Variants in SUPT3H observed in about 807,000 individuals in gnomAD.
SUPT3H encodes SPT3 homolog, SAGA and STAGA complex component, also known as transcription initiation protein SPT3 homolog.
In SUPT3H, 44 loss-of-function variants were observed where a neutral mutation model predicts 44.3. That is an observed-to-expected ratio of 0.99 (90% CI 0.78 to 1.28). SUPT3H has a LOEUF of 1.28. SUPT3H is among the 50% of genes most tolerant of loss of function. The pLI is 0.00. For synonymous variants in SUPT3H, 124 were observed against 125.6 expected (o/e 0.99, Z 0.09); for missense variants, 380 against 387.1 (o/e 0.98, Z 0.15).
At chr6:44,961,325 A>G (rs1775987500) in intron 7 of SUPT3H, among the ~76,000 whole-genome samples, 2 of 152,226 alleles carry the variant, frequency 1.3e-5, no homozygotes, top group South Asian at 4.1e-4. Flanking sequence ...CCTTTGTGGT[A>G]ATGAGTATAC....
intron 10 of SUPT3H, among the ~76,000 whole-genome samples, chr6:44,919,147 C>T (rs575983): frequency 3.9e-5 from 6 of 152,200 alleles, no homozygotes; most frequent in Admixed American, 2.6e-4. Context: ...GCTCTCATTA[C>T]GTTCCTTACA....
chr6:44,995,960 T>A (rs1781214712), intron 6 of SUPT3H, among the ~76,000 whole-genome samples: 1 of 151,962 alleles, frequency 6.6e-6, no homozygotes, highest in Non-Finnish European at 1.5e-5. Context: ...TCAATGTGTT[T>A]GCGAAACATG....
rs1774643541 is a variant in SUPT3H, at chr6:44,861,406, A to G, written c.913-31549T>C. 2.0e-5 allele frequency among the ~76,000 whole-genome samples: 3 copies of G among 147,010 alleles called. 1 individual carries two copies. Among genetic ancestry groups the G allele is most frequent in the African/African-American group, 7.5e-5 (3 of 39,894 alleles). On this transcript the variant is annotated intron_variant, in intron 10 of 10. Transcript: ENST00000371459. ...TTTCTTTTCTTTTTGTTTTTTTTTGAGAAGGAGTCTCACTCTGTCGCTCAG... is the reference window on the plus strand; with the variant it reads ...TTTCTTTTCTTTTTGTTTTTTTTTGGGAAGGAGTCTCACTCTGTCGCTCAG...
chr6:44,932,011 A>C (rs1770668813), intron 10 of SUPT3H, among the ~76,000 whole-genome samples: 1 of 152,158 alleles, frequency 6.6e-6, no homozygotes, highest in Non-Finnish European at 1.5e-5. Context: ...ACAGAGTAGG[A>C]CTTGAAGAAA....
At chr6:44,950,079 G>T (rs975309814) in intron 9 of SUPT3H, among the ~76,000 whole-genome samples, 2 of 152,236 alleles carry the variant, frequency 1.3e-5, no homozygotes, top group African/African-American at 4.8e-5. Context: ...GTTCAAGGAA[G>T]TCTGTTCTTT....
intron 2 of SUPT3H, among the ~76,000 whole-genome samples, chr6:45,141,077 T>C (rs1406437570): frequency 1.3e-5 from 2 of 152,084 alleles, no homozygotes; most frequent in Non-Finnish European, 2.9e-5. Context: ...CAGTGGCTCA[T>C]GCCTGTAATC....
chr6:44,878,173 T>C (rs1431469378), intron 10 of SUPT3H, among the ~76,000 whole-genome samples: 1 of 152,198 alleles, frequency 6.6e-6, no homozygotes, highest in East Asian at 1.9e-4. Flanking sequence ...TTAGGTATGA[T>C]CCTAAATAGT....
intron 2 of SUPT3H, among the ~76,000 whole-genome samples, chr6:45,255,967 C>A (rs565611652): frequency 3.3e-5 from 5 of 152,040 alleles, no homozygotes; most frequent in Non-Finnish European, 7.4e-5. Flanking sequence ...GTCAGGAGAT[C>A]GAGACCATCC....
Position 45,295,524 on chromosome 6 carries a change from C to CAAAAAAAAA in SUPT3H, c.101+69668_101+69676dup, listed in dbSNP as rs752887669. Among the ~76,000 whole-genome samples, 11 of 40,082 alleles carry CAAAAAAAAA rather than the reference C, an allele frequency of 2.7e-4. 1 individual carries two copies. The highest frequency in any genetic ancestry group is 4.4e-4 in the Admixed American group (1 of 2,248). 26.3% of individuals were successfully genotyped at this position (40,082 alleles called of 152,430 possible). A position where few individuals can be genotyped will look rare whatever the true frequency, so the allele number is the denominator to read the frequency against. On this transcript the variant is annotated intron_variant, in intron 2 of 10. Coordinates refer to ENST00000371459, the MANE Select transcript of SUPT3H (RefSeq NM_003599.4). ...ATTAAACGAAAGAGCTTTTGCACAGCAAAAAAAAAAAAAAAAAAAAAAAAA... is the reference window on the plus strand; with the variant it reads ...ATTAAACGAAAGAGCTTTTGCACAGCAAAAAAAAAAAAAAAAAAAAAAAAAAAAAAAAAA...
At chr6:45,205,523 G>T (rs1214054051) in intron 2 of SUPT3H, among the ~76,000 whole-genome samples, 1 of 152,040 alleles carries the variant, frequency 6.6e-6, no homozygotes, top group Non-Finnish European at 1.5e-5. Context: ...AATGGTTGCG[G>T]GTGGTGGCTC....
In SUPT3H at chr6:44,890,322, C is replaced by T. The variant is rs560606932; in HGVS notation, c.912+42331G>A. 2.5e-3 allele frequency among the ~76,000 whole-genome samples: 379 copies of T among 151,056 alleles called. 1 individual carries two copies. The highest frequency in any genetic ancestry group is 0.02 in the Middle Eastern group (6 of 294). On this transcript the variant is annotated intron_variant, in intron 10 of 10. Coordinates refer to ENST00000371459, the MANE Select transcript of SUPT3H (RefSeq NM_003599.4). ...GACACATGCACACATATGTTTATTG[C>T]GGCATTATTCACAATAGCAAAGACT...
chr6:44,998,912 A>G (rs1169792765), intron 6 of SUPT3H, among the ~76,000 whole-genome samples: 2 of 152,026 alleles, frequency 1.3e-5, no homozygotes, highest in African/African-American at 4.8e-5. Flanking sequence ...CTTTTTAACA[A>G]AGCTTTGTCT....
Position 44,829,705 on chromosome 6 carries a change from C to A in SUPT3H, c.*111G>T. ...AAGTTGAAAGTCACAACAGACCAGC[C>A]CACTCCCTCAGATAAAAGAAAGGTA... On this transcript the variant is annotated 3_prime_UTR_variant, in exon 11 of 11. Transcript: ENST00000371459. 1 of 1,234,852 alleles carries A rather than the reference C, an allele frequency of 8.1e-7. No individual in the cohort carries two copies. The highest frequency in any genetic ancestry group is 2.4e-5 in the East Asian group (1 of 42,418). 76.5% of individuals were successfully genotyped at this position (1,234,852 alleles called of 1,614,324 possible). A position where few individuals can be genotyped will look rare whatever the true frequency, so the allele number is the denominator to read the frequency against.
chr6:45,276,288 A>G lies in SUPT3H; in HGVS notation c.101+88913T>C, dbSNP rs570176799. On this transcript the variant is annotated intron_variant, in intron 2 of 10. Transcript: ENST00000371459. ...AGTTTATATATTAGTACCATTTAAC[A>G]TTTCAAAATTAATGTAAAAAACTAC... 6.6e-5 allele frequency among the ~76,000 whole-genome samples: 10 copies of G among 152,290 alleles called. No individual in the cohort carries two copies. In the South Asian group the frequency reaches 1.9e-3, roughly 28 times the overall value.
chr6:45,333,658 T>C (rs1787964851), intron 2 of SUPT3H, among the ~76,000 whole-genome samples: 1 of 151,400 alleles, frequency 6.6e-6, no homozygotes, highest in African/African-American at 2.4e-5. Context: ...TCATTTTTTA[T>C]ATCATTTAAC....
rs151044637 is a variant in SUPT3H at position 44,869,363 on chromosome 6, T to C, written c.913-39506A>G. Among the ~76,000 whole-genome samples the C allele has an allele frequency of 3.3e-3, 495 of 152,256 alleles. 1 individual carries two copies. The highest frequency in any genetic ancestry group is 0.011 in the African/African-American group (467 of 41,548). ...GGGACTCGAGAAAAATAGCCATGCA[T>C]GCTGCTAAATGCTGGGTGACTCACT... is the stretch of plus-strand genomic sequence containing the variant. On this transcript the variant is annotated intron_variant, in intron 10 of 10. Transcript: ENST00000371459.
intron 2 of SUPT3H, among the ~76,000 whole-genome samples, chr6:45,322,354 CAAT>C (rs969563878): frequency 1.3e-5 from 2 of 150,676 alleles, no homozygotes; most frequent in African/African-American, 2.4e-5. Context: ...TTTATTATAC[CAAT>C]ATTATAAAAA....
At chr6:45,365,329 C>T in intron 1 of SUPT3H, 28 bp from the exon 2 acceptor site, 1 of 1,423,436 alleles carries the variant, frequency 7.0e-7, no homozygotes. Context: ...ATAAAGCTTA[C>T]AAAATGTACC....
chr6:45,324,423 AT>A (rs2150048414), intron 2 of SUPT3H, among the ~76,000 whole-genome samples: 1 of 152,152 alleles, frequency 6.6e-6, no homozygotes, highest in South Asian at 2.1e-4. Flanking sequence ...TTTCTAATGA[AT>A]GTTAAGAGCT....
Sources: allele counts gnomAD v4.1 joint callset (sites outside exome capture counted in the v4.1 genomes callset), GRCh38; gene constraint gnomAD v4.1.1; transcripts MANE v1.5; gene names NCBI Gene and HGNC (gene_info 2026-07-23, HGNC 2026-07-21).